Variants in PCBP3 observed in about 807,000 individuals in gnomAD.
The protein encoded by PCBP3 is poly(rC)-binding protein 3.
PCBP3 carries 25 observed loss-of-function variants against 52.7 expected under a neutral mutation model. The observed-to-expected ratio is 0.47, with a 90% CI of 0.35 to 0.66. The LOEUF (loss-of-function observed/expected upper bound fraction) is 0.66. Ranked by LOEUF, PCBP3 falls within the 30% of genes least tolerant of loss-of-function variation. The probability of loss-of-function intolerance (pLI) is 0.01; values close to 1 mark genes in which losing one functional copy is unlikely to be tolerated. For synonymous variants in PCBP3, 162 were observed against 183.0 expected (o/e 0.89, Z 0.93); for missense variants, 391 against 490.3 (o/e 0.80, Z 1.91).
At chr21:45,865,956 C>G (rs535669705) in intron 5 of PCBP3, among the ~76,000 whole-genome samples, 100 of 152,222 alleles carry the variant, frequency 6.6e-4, no homozygotes, top group Non-Finnish European at 1.1e-3. Flanking sequence ...ATGACAGGGT[C>G]TCCAGGACCC....
intron 1 of PCBP3, among the ~76,000 whole-genome samples, chr21:45,648,700 G>A (rs2146765488): frequency 6.6e-6 from 1 of 152,282 alleles, no homozygotes; most frequent in East Asian, 1.9e-4. Flanking sequence ...CAATTGAGTA[G>A]ATATTAAATA....
At chr21:45,682,203 C>G (rs2081896620) in intron 2 of PCBP3, among the ~76,000 whole-genome samples, 1 of 152,142 alleles carries the variant, frequency 6.6e-6, no homozygotes, top group Non-Finnish European at 1.5e-5. Context: ...CTTCCCCCTC[C>G]CACCCAACAT....
chr21:45,714,153 T>TG (rs1569144368), intron 2 of PCBP3, among the ~76,000 whole-genome samples: 1 of 152,204 alleles, frequency 6.6e-6, no homozygotes, highest in Non-Finnish European at 1.5e-5. Context: ...CTCACTCCTT[T>TG]GGGGTCTCAT....
intron 5 of PCBP3, among the ~76,000 whole-genome samples, chr21:45,866,987 T>A (rs2094759605): frequency 6.6e-6 from 1 of 152,254 alleles, no homozygotes; most frequent in Non-Finnish European, 1.5e-5. Flanking sequence ...TGTTTTGTTT[T>A]GCTTAAAAAA....
At chr21:45,792,389 C>T (rs1254244585) in intron 4 of PCBP3, among the ~76,000 whole-genome samples, 3 of 152,178 alleles carry the variant, frequency 2.0e-5, no homozygotes, top group Non-Finnish European at 4.4e-5. Context: ...AAGGTGGGGG[C>T]CCTCCCAGGA....
intron 2 of PCBP3, among the ~76,000 whole-genome samples, chr21:45,691,445 T>TATATAATATATATATA (rs2082470409): frequency 1.2e-5 from 1 of 84,734 alleles, no homozygotes; most frequent in African/African-American, 7.3e-5. Flanking sequence ...ATCATATATA[T>TATATAATATATATATA]GTATGTATGT....
At chr21:45,774,953 G>A (rs1007550373) in intron 4 of PCBP3, among the ~76,000 whole-genome samples, 4 of 152,196 alleles carry the variant, frequency 2.6e-5, no homozygotes, top group Admixed American at 2.6e-4. Flanking sequence ...GTGTTCATCA[G>A]GGATATTGGC....
chr21:45,718,480 C>A (rs1221194581), intron 2 of PCBP3, among the ~76,000 whole-genome samples: 1 of 152,030 alleles, frequency 6.6e-6, no homozygotes, highest in Non-Finnish European at 1.5e-5. Context: ...CTTCGAAAGA[C>A]TCCTGTCCTG....
intron 2 of PCBP3, among the ~76,000 whole-genome samples, chr21:45,677,584 A>G (rs1340811812): frequency 6.6e-6 from 1 of 152,258 alleles, no homozygotes; most frequent in Non-Finnish European, 1.5e-5. Flanking sequence ...ATAGCCTTCT[A>G]TTGAAAGACC....
At position 45,791,520 on chromosome 21, in the gene PCBP3, G is replaced by A. The variant is rs1469923420; in HGVS notation, c.-126+36068G>A. On this transcript the variant is annotated intron_variant, in intron 4 of 17. Transcript: ENST00000681687. The surrounding 1 kb of genome is among the most constrained non-coding windows in gnomAD (Gnocchi z 4.2). ...GGTAGCCAGACACAAAGGCAGAGAG[G>A]AGACGATGGTCTCGCGGCGTGATCT... is the stretch of plus-strand genomic sequence containing the variant. 6.6e-6 allele frequency among the ~76,000 whole-genome samples: 1 copy of A among 152,198 alleles called. No homozygotes were observed. Among genetic ancestry groups the A allele is most frequent in the Non-Finnish European group, 1.5e-5 (1 of 68,044 alleles).
At chr21:45,644,191 C>T (rs933807201) in intron 1 of PCBP3, among the ~76,000 whole-genome samples, 1 of 151,596 alleles carries the variant, frequency 6.6e-6, no homozygotes, top group Non-Finnish European at 1.5e-5. Context: ...AACGTCTGGA[C>T]TACTTGAGGC....
rs996210197 is a variant in PCBP3 at position 45,788,956 on chromosome 21, T to C, written c.-126+33504T>C. Among the ~76,000 whole-genome samples the C allele has an allele frequency of 2.0e-5, 3 of 152,222 alleles. No homozygotes were observed. The highest frequency in any genetic ancestry group is 4.4e-5 in the Non-Finnish European group (3 of 68,038). On this transcript the variant is annotated intron_variant, in intron 4 of 17. Transcript: ENST00000681687. This position sits in a 1 kb window ranked among gnomAD's most constrained non-coding sequence, Gnocchi z 4.3. ...TCTAAATGAGGCTGGAAGAATTGAA[T>C]TGCTGTCCAGATCCAACAGACTTAT...
chr21:45,720,733 C>T (rs1168570992), intron 2 of PCBP3, among the ~76,000 whole-genome samples: 1 of 152,218 alleles, frequency 6.6e-6, no homozygotes, highest in Non-Finnish European at 1.5e-5. Flanking sequence ...AGATGCTTCT[C>T]TTACCTCTCT....
At chr21:45,700,128 G>A (rs1383488311) in intron 2 of PCBP3, among the ~76,000 whole-genome samples, 1 of 152,194 alleles carries the variant, frequency 6.6e-6, no homozygotes, top group African/African-American at 2.4e-5. Context: ...TCTGGTGGGA[G>A]GCTCTGCAAT....
At chr21:45,651,092 A>G (rs543086455) in intron 1 of PCBP3, among the ~76,000 whole-genome samples, 59 of 152,316 alleles carry the variant, frequency 3.9e-4, no homozygotes, top group African/African-American at 1.3e-3. Context: ...GTGAGACCCT[A>G]AGCAGAGGAC....
Position 45,863,825 on chromosome 21 carries a change from C to T in PCBP3, c.10+13730C>T, listed in dbSNP as rs560821468. On this transcript the variant is annotated intron_variant, in intron 5 of 17. Coordinates refer to ENST00000681687, the MANE Select transcript of PCBP3 (RefSeq NM_001384156.1). ...GACGGTTGGCTGAGATTGGCTTCGA[C>T]GGGAGTCCCAGGCAATGTGGCAGGC... 9.9e-5 allele frequency among the ~76,000 whole-genome samples: 15 copies of T among 152,120 alleles called. No homozygotes were observed. The East Asian group carries it at 2.3e-3, about 23-fold the overall frequency.
At position 45,802,631 on chromosome 21, in the gene PCBP3, C is replaced by T. The variant is rs1288734037; in HGVS notation, c.-126+47179C>T. ...ACCGGGCTGGGGGAGGATGGTGGGG[C>T]TCTAAGCAGGGCAGGAGGTCAGATT... On this transcript the variant is annotated intron_variant, in intron 4 of 17. Coordinates refer to ENST00000681687, the MANE Select transcript of PCBP3 (RefSeq NM_001384156.1). This position sits in a 1 kb window ranked among gnomAD's most constrained non-coding sequence, Gnocchi z 5.1. Among the ~76,000 whole-genome samples, 5 of 152,104 alleles carry T rather than the reference C, an allele frequency of 3.3e-5. No homozygotes were observed. Among genetic ancestry groups the T allele is most frequent in the Non-Finnish European group, 5.9e-5 (4 of 68,018 alleles).
chr21:45,686,907 T>C (rs2147691207), intron 2 of PCBP3, among the ~76,000 whole-genome samples: 1 of 152,084 alleles, frequency 6.6e-6, no homozygotes, highest in Non-Finnish European at 1.5e-5. Flanking sequence ...CAGTGTGACA[T>C]AACCTAGAAG....
intron 2 of PCBP3, among the ~76,000 whole-genome samples, chr21:45,692,464 C>G (rs1279459647): frequency 6.6e-6 from 1 of 151,650 alleles, no homozygotes; most frequent in Non-Finnish European, 1.5e-5. Flanking sequence ...ACAGATCCTA[C>G]AGATAATAAA....
Sources: allele counts gnomAD v4.1 joint callset (sites outside exome capture counted in the v4.1 genomes callset), GRCh38; gene constraint gnomAD v4.1.1; non-coding constraint Gnocchi (gnomAD v3.1); transcripts MANE v1.5; gene names NCBI Gene and HGNC (gene_info 2026-07-23, HGNC 2026-07-21).